The following PIK3C3 variants were observed in gnomAD, a reference collection of about 807,000 sequenced individuals.
PIK3C3 encodes the protein PI3-kinase type 3.
PIK3C3 carries 95 observed loss-of-function variants against 126.1 expected under a neutral mutation model. The ratio of observed to expected loss-of-function variants is 0.75; its 90% CI spans 0.64 to 0.89. The LOEUF (loss-of-function observed/expected upper bound fraction) is 0.89, where lower values mean the gene tolerates loss of function less well. Ranked by LOEUF, PIK3C3 falls within the 40% of genes least tolerant of loss-of-function variation. The probability of loss-of-function intolerance (pLI) is 0.00; values close to 1 mark genes in which losing one functional copy is unlikely to be tolerated. For missense variants in PIK3C3, 829 were observed against 1,063.2 expected (o/e 0.78, Z 3.06); for synonymous variants, 374 against 360.0 (o/e 1.04, Z -0.44).
intron 2 of PIK3C3, among the ~76,000 whole-genome samples, chr18:41,961,013 A>AT (rs1347561215): frequency 6.6e-6 from 1 of 152,032 alleles, no homozygotes; most frequent in Non-Finnish European, 1.5e-5. Flanking sequence ...AAGTAGGATC[A>AT]TTTTTTTCAA....
Position 41,957,755 on chromosome 18 carries a change from G to A in PIK3C3, c.254G>A (p.Trp85Ter). The A allele has an allele frequency of 1.2e-6, 2 of 1,606,858 alleles. No individual in the cohort carries two copies. Among genetic ancestry groups the A allele is most frequent in the Non-Finnish European group, 1.7e-6 (2 of 1,177,670 alleles). ...TCCTACAAAGCATTTAGTACAAGAT[G>A]GAAGTAAGTTTTTTTGTGGCATATG... The part of the protein sequence containing the change: ...RTSYKAFSTR[W>*]NWNEWLKLPV... Residue 85 changes from tryptophan to a stop codon, truncating the protein, a stop_gained, in exon 2 of 25, where the codon TGG becomes TAG. Transcript: ENST00000262039. LOFTEE classifies it high-confidence loss of function.
At chr18:41,994,048 T>C (rs967850057) in intron 7 of PIK3C3, among the ~76,000 whole-genome samples, 2 of 152,176 alleles carry the variant, frequency 1.3e-5, no homozygotes, top group Admixed American at 1.3e-4. Flanking sequence ...TATACATTTC[T>C]AATTAGATTA....
chr18:42,025,115 A>G (rs1433994497), intron 13 of PIK3C3, among the ~76,000 whole-genome samples: 1 of 152,106 alleles, frequency 6.6e-6, no homozygotes, highest in Non-Finnish European at 1.5e-5. Flanking sequence ...CCCGGCCAAC[A>G]TATATTTTCA....
chr18:41,977,436 A>C (rs1449276324), intron 4 of PIK3C3, among the ~76,000 whole-genome samples: 1 of 152,298 alleles, frequency 6.6e-6, no homozygotes, highest in Middle Eastern at 3.4e-3. Flanking sequence ...CGTACAACAG[A>C]TGCTGCAAAA....
intron 7 of PIK3C3, among the ~76,000 whole-genome samples, chr18:41,994,864 C>A (rs1225991653): frequency 6.6e-6 from 1 of 151,872 alleles, no homozygotes; most frequent in East Asian, 1.9e-4. Context: ...TGAGGGAGAC[C>A]CCATCTCTAC....
chr18:42,061,905 G>T (rs1598945407), intron 22 of PIK3C3, among the ~76,000 whole-genome samples: 1 of 152,018 alleles, frequency 6.6e-6, no homozygotes, highest in South Asian at 2.1e-4. Context: ...ACCCGTAAAG[G>T]CAGATTTTTT....
chr18:42,001,001 G>A (rs1424070493), intron 9 of PIK3C3, among the ~76,000 whole-genome samples: 2 of 152,134 alleles, frequency 1.3e-5, no homozygotes, highest in East Asian at 1.9e-4. Flanking sequence ...GGAATCAAAA[G>A]CATTGGAAAA....
intron 4 of PIK3C3, among the ~76,000 whole-genome samples, chr18:41,975,848 C>A (rs145924988): frequency 9.1e-4 from 138 of 152,054 alleles, no homozygotes; most frequent in Non-Finnish European, 1.5e-3. Flanking sequence ...TACAGGCACC[C>A]GCCATCATGC....
chr18:42,066,733 C>A (rs1015315793), intron 23 of PIK3C3, among the ~76,000 whole-genome samples: 3 of 152,032 alleles, frequency 2.0e-5, no homozygotes, highest in Non-Finnish European at 4.4e-5. Context: ...AATATACATA[C>A]TAGTTTTTCT....
At chr18:42,076,110 A>ATATATATATATATATATG (rs1568013498) in intron 24 of PIK3C3, among the ~76,000 whole-genome samples, 22 of 80,278 alleles carry the variant, frequency 2.7e-4, no homozygotes, top group African/African-American at 1.1e-3. Flanking sequence ...ATATATATAT[A>ATATATATATATATATATG]TATATATATA....
intron 16 of PIK3C3, among the ~76,000 whole-genome samples, 194 bp downstream of exon 16, chr18:42,034,151 A>G (rs1215391185): frequency 1.3e-5 from 2 of 152,160 alleles, no homozygotes; most frequent in Non-Finnish European, 2.9e-5. Flanking sequence ...TTACCGGTAC[A>G]TGGGCATTTT....
At chr18:42,000,428 G>A (rs1982229645) in intron 9 of PIK3C3, among the ~76,000 whole-genome samples, 1 of 152,080 alleles carries the variant, frequency 6.6e-6, no homozygotes, top group Non-Finnish European at 1.5e-5. Context: ...GACATAATTA[G>A]GAGAATCATA....
intron 14 of PIK3C3, 69 bp from the exon 15 acceptor site, chr18:42,029,256 C>A: frequency 1.2e-6 from 1 of 859,842 alleles, no homozygotes; most frequent in Non-Finnish European, 2.0e-6. Flanking sequence ...AAGGATTATC[C>A]ATGCTGTTAA....
intron 3 of PIK3C3, among the ~76,000 whole-genome samples, chr18:41,962,971 A>G (rs1289537122): frequency 6.6e-6 from 1 of 152,152 alleles, no homozygotes; most frequent in Non-Finnish European, 1.5e-5. Context: ...TTTTTATAAT[A>G]TTGACAGAAA....
intron 2 of PIK3C3, among the ~76,000 whole-genome samples, chr18:41,959,936 CTTAAA>C (rs1173165509): frequency 7.1e-6 from 1 of 140,828 alleles, no homozygotes; most frequent in Non-Finnish European, 1.5e-5. Context: ...AGGTAAAAAC[CTTAAA>C]TAGTCCTTAT....
rs765783880 is a variant in PIK3C3, at chr18:42,040,774, A to C, written c.2103+33A>C. The C allele has an allele frequency of 2.2e-6, 3 of 1,341,710 alleles. No individual in the cohort carries two copies. The South Asian group carries it at 3.7e-5, about 17-fold the overall frequency. The allele number at this position is 1,341,710 out of a possible 1,614,324, so 83.1% of individuals were successfully genotyped here. A position where few individuals can be genotyped will look rare whatever the true frequency, so the allele number is the denominator to read the frequency against. ...ATCAATAAAGATTATGCAATTCATG[A>C]ATATATTCTTGTCATAAAAAATTCA... is the stretch of plus-strand genomic sequence containing the variant. On this transcript the variant is annotated intron_variant, in intron 19 of 24. Coordinates refer to ENST00000262039, the MANE Select transcript of PIK3C3 (RefSeq NM_002647.4).
At chr18:41,981,534 G>A (rs1981198054) in intron 4 of PIK3C3, among the ~76,000 whole-genome samples, 1 of 152,162 alleles carries the variant, frequency 6.6e-6, no homozygotes, top group Admixed American at 6.6e-5. Flanking sequence ...AAACTTCTAT[G>A]CTTGCCAAGA....
chr18:42,046,210 C>T (rs778694767), intron 20 of PIK3C3, among the ~76,000 whole-genome samples: 30 of 152,126 alleles, frequency 2.0e-4, no homozygotes, highest in Non-Finnish European at 4.0e-4. Context: ...AATGGTAGGC[C>T]TTCTCTTCAT....
intron 4 of PIK3C3, among the ~76,000 whole-genome samples, chr18:41,982,228 G>T (rs952260912): frequency 6.6e-6 from 1 of 152,014 alleles, no homozygotes; most frequent in Non-Finnish European, 1.5e-5. Context: ...TGAGATGGGA[G>T]GTAATTGACA....
Sources: allele counts gnomAD v4.1 joint callset (sites outside exome capture counted in the v4.1 genomes callset), GRCh38; gene constraint gnomAD v4.1.1; transcripts MANE v1.5; gene names NCBI Gene and HGNC (gene_info 2026-07-23, HGNC 2026-07-21).